Variants in THSD7B observed in about 807,000 individuals in gnomAD.
THSD7B encodes the protein thrombospondin type-1 domain-containing protein 7B.
A neutral mutation model predicts 213.6 loss-of-function variants in THSD7B; 138 were observed. The observed-to-expected ratio is 0.65, with a 90% CI of 0.56 to 0.74. THSD7B has a LOEUF of 0.74. Ranked by LOEUF, THSD7B falls within the 30% of genes least tolerant of loss-of-function variation. The probability of loss-of-function intolerance (pLI) is 0.00; values close to 1 mark genes in which losing one functional copy is unlikely to be tolerated. For synonymous variants in THSD7B, 742 were observed against 687.0 expected (o/e 1.08, Z -1.25); for missense variants, 1,931 against 1,991.5 (o/e 0.97, Z 0.58).
intron 12 of THSD7B, among the ~76,000 whole-genome samples, chr2:137,283,630 G>T (rs2104822024): frequency 6.6e-6 from 1 of 151,770 alleles, no homozygotes; most frequent in Middle Eastern, 3.4e-3. Flanking sequence ...TTTTGTCAAA[G>T]GCCTTTTCTG....
Position 137,056,806 on chromosome 2 carries a change from T to C in THSD7B, c.526T>C (p.Cys176Arg). The C allele has an allele frequency of 6.2e-7, 1 of 1,613,932 alleles. No individual in the cohort carries two copies. ...TACAGAACAGGCTTGCCTCATTCCTTGTCCCCGGGATTGTGTAGTATCTGA... is the reference window on the plus strand; with the variant it reads ...TACAGAACAGGCTTGCCTCATTCCTCGTCCCCGGGATTGTGTAGTATCTGA... ...PPTEQACLIP[C>R]PRDCVVSEFL... is the part of the protein sequence containing the mutation. The change falls in exon 3 of 28, where the codon TGT becomes CGT. Residue 176 changes from cysteine (C) to arginine (R), a missense_variant. Cys to Arg is a radical substitution (Grantham distance 180, BLOSUM62 -3). Coordinates refer to ENST00000409968, the MANE Select transcript of THSD7B (RefSeq NM_001316349.2).
intron 7 of THSD7B, among the ~76,000 whole-genome samples, chr2:137,230,707 C>T (rs13421180): frequency 2.6e-5 from 4 of 152,030 alleles, no homozygotes; most frequent in African/African-American, 4.8e-5. Context: ...TTCAGGTGAA[C>T]GGACAGCTCT....
intron 1 of THSD7B, among the ~76,000 whole-genome samples, chr2:136,788,446 ATC>A (rs1057318404): frequency 1.3e-5 from 2 of 152,192 alleles, no homozygotes; most frequent in Non-Finnish European, 1.5e-5. Flanking sequence ...AAAGAACACA[ATC>A]TGTTTGTTTT....
At chr2:137,293,161 G>C (rs1413930018) in intron 12 of THSD7B, among the ~76,000 whole-genome samples, 1 of 147,236 alleles carries the variant, frequency 6.8e-6, no homozygotes, top group Admixed American at 6.7e-5. Flanking sequence ...TTTTTCTTTT[G>C]AGACATGGTC....
intron 1 of THSD7B, among the ~76,000 whole-genome samples, chr2:136,842,261 GT>G: frequency 6.6e-6 from 1 of 152,284 alleles, no homozygotes; most frequent in South Asian, 2.1e-4. Flanking sequence ...TATTTTATAG[GT>G]GTCAAAAGCT....
At chr2:137,238,444 T>C (rs1382338190) in intron 9 of THSD7B, among the ~76,000 whole-genome samples, 3 of 152,142 alleles carry the variant, frequency 2.0e-5, no homozygotes, top group Non-Finnish European at 4.4e-5. Flanking sequence ...TTTTAGTGTT[T>C]TCTTATCTTA....
chr2:137,310,716 T>C (rs1180059933), intron 12 of THSD7B, among the ~76,000 whole-genome samples: 2 of 152,270 alleles, frequency 1.3e-5, no homozygotes, highest in East Asian at 3.9e-4. Context: ...TTCAGCTTTC[T>C]ACATATGGCT....
chr2:136,906,249 T>C (rs1022609919), intron 2 of THSD7B, among the ~76,000 whole-genome samples: 1 of 152,202 alleles, frequency 6.6e-6, no homozygotes, highest in Non-Finnish European at 1.5e-5. Flanking sequence ...AGATATTCTT[T>C]ATGAGAGCTT....
At chr2:137,488,833 A>G (rs951201559) in intron 15 of THSD7B, among the ~76,000 whole-genome samples, 29 of 152,222 alleles carry the variant, frequency 1.9e-4, no homozygotes, top group African/African-American at 6.5e-4. Flanking sequence ...AGTCCTGCCT[A>G]TCCTGTAGGA....
intron 9 of THSD7B, 106 bp downstream of exon 9, chr2:137,233,239 T>A (rs970880992): frequency 1.9e-6 from 2 of 1,048,090 alleles, no homozygotes; most frequent in African/African-American, 1.6e-5. Context: ...TCTGATAGAG[T>A]AAGAGGGTTT....
chr2:137,385,063 G>T (rs1685860545), intron 12 of THSD7B, among the ~76,000 whole-genome samples: 1 of 152,114 alleles, frequency 6.6e-6, no homozygotes, highest in African/African-American at 2.4e-5. Flanking sequence ...AAGACCCAGG[G>T]AGCTTCAAAG....
intron 10 of THSD7B, 81 bp from the exon 11 acceptor site, chr2:137,272,451 CT>C (rs1256889764): frequency 1.4e-5 from 19 of 1,385,650 alleles, no homozygotes; most frequent in South Asian, 4.5e-5. Flanking sequence ...ATCTCTCTCT[CT>C]TTTTTTTCAA....
intron 18 of THSD7B, among the ~76,000 whole-genome samples, 170 bp downstream of exon 18, chr2:137,616,486 C>T (rs1247540006): frequency 6.6e-6 from 1 of 152,038 alleles, no homozygotes; most frequent in African/African-American, 2.4e-5. Context: ...GAAAGAAATG[C>T]CCACTCTTGG....
chr2:137,518,978 T>C (rs933448824), intron 15 of THSD7B, among the ~76,000 whole-genome samples: 4 of 152,290 alleles, frequency 2.6e-5, no homozygotes, highest in Admixed American at 6.5e-5. Context: ...CTGGGCACGG[T>C]GGCTCACGCC....
intron 20 of THSD7B, 130 bp downstream of exon 20, chr2:137,620,856 A>G (rs1682507018): frequency 1.4e-6 from 1 of 691,334 alleles, no homozygotes; most frequent in Non-Finnish European, 2.4e-6. Flanking sequence ...CCACAGGGGA[A>G]GAAAAACAGA....
At chr2:137,039,092 C>A (rs1306772911) in intron 2 of THSD7B, among the ~76,000 whole-genome samples, 1 of 152,178 alleles carries the variant, frequency 6.6e-6, no homozygotes, top group Non-Finnish European at 1.5e-5. Context: ...TTACTCTGTG[C>A]AGCCAGAAGT....
intron 12 of THSD7B, among the ~76,000 whole-genome samples, chr2:137,313,396 T>C: frequency 6.6e-6 from 1 of 151,978 alleles, no homozygotes; most frequent in Non-Finnish European, 1.5e-5. Context: ...TGAGCCTATG[T>C]GTGTTTCTGC....
chr2:137,230,896 T>C, intron 7 of THSD7B, 148 bp from the exon 8 acceptor site: 1 of 730,648 alleles, frequency 1.4e-6, no homozygotes, highest in Non-Finnish European at 2.2e-6. Context: ...TGCCAAATTA[T>C]CTCCTGGCAG....
At chr2:136,907,695 G>A (rs188834152) in intron 2 of THSD7B, among the ~76,000 whole-genome samples, 2 of 152,310 alleles carry the variant, frequency 1.3e-5, no homozygotes, top group African/African-American at 4.8e-5. Context: ...CAAAGTCTGA[G>A]AATTTTTATT....
Sources: gnomAD v4.1 joint callset for allele counts (sites outside exome capture counted in the v4.1 genomes callset) on GRCh38, gnomAD v4.1.1 for gene constraint, MANE v1.5 for transcripts, NCBI Gene and HGNC (gene_info 2026-07-23, HGNC 2026-07-21) for gene names.